The following RANBP2 variants were observed in gnomAD, a reference collection of about 807,000 sequenced individuals.
The protein encoded by RANBP2 is E3 SUMO-protein ligase RanBP2.
Under a neutral mutation model 303.6 loss-of-function variants are expected in RANBP2, and 57 were observed. The ratio of observed to expected loss-of-function variants is 0.19; its 90% CI spans 0.15 to 0.23. The LOEUF (loss-of-function observed/expected upper bound fraction) is 0.23, where lower values mean the gene tolerates loss of function less well. Among genes scored for constraint, RANBP2 ranks in the 10% least tolerant of loss-of-function variants. RANBP2 has a pLI of 1.00. For missense variants in RANBP2, 3,138 were observed against 3,780.8 expected (o/e 0.83, Z 4.46); for synonymous variants, 1,167 against 1,301.5 (o/e 0.90, Z 2.23).
the RANBP2 span, among the ~76,000 whole-genome samples, chr2:109,066,233 T>G: frequency 6.6e-6 from 1 of 152,018 alleles, no homozygotes; most frequent in Non-Finnish European, 1.5e-5. Flanking sequence ...CTCAGCCTAC[T>G]GAGTAGCTAG....
chr2:108,773,613 T>C (rs1253800718), intron 23 of RANBP2, among the ~76,000 whole-genome samples: 1 of 151,764 alleles, frequency 6.6e-6, no homozygotes, highest in Non-Finnish European at 1.5e-5. Context: ...GATCTATAGA[T>C]TTAACACAAC....
the RANBP2 span, among the ~76,000 whole-genome samples, chr2:109,417,294 A>G: frequency 3.9e-5 from 6 of 151,982 alleles, no homozygotes; most frequent in African/African-American, 1.4e-4. Flanking sequence ...CTACACCTCC[A>G]TGGATGGTGA....
At chr2:109,306,689 A>G in the RANBP2 span, among the ~76,000 whole-genome samples, 7 of 152,352 alleles carry the variant, frequency 4.6e-5, no homozygotes, top group African/African-American at 1.7e-4. Flanking sequence ...CTAGCATGTT[A>G]CTGAAGACAA....
chr2:109,153,392 G>A, the RANBP2 span, among the ~76,000 whole-genome samples: 1 of 152,148 alleles, frequency 6.6e-6, no homozygotes, highest in Admixed American at 6.5e-5. Flanking sequence ...GTTTGGAAAG[G>A]CAATTACGCT....
At chr2:109,588,125 C>T in the RANBP2 span, among the ~76,000 whole-genome samples, 7,306 of 151,580 alleles carry the variant, frequency 0.048, 504 homozygotes, top group African/African-American at 0.16. Flanking sequence ...AAAAAGACAT[C>T]GTAGAATTCT....
At chr2:109,651,287 T>C in the RANBP2 span, among the ~76,000 whole-genome samples, 1 of 152,164 alleles carries the variant, frequency 6.6e-6, no homozygotes, top group Non-Finnish European at 1.5e-5. Context: ...TGGCATCCTG[T>C]AGGGCTTGGC....
At chr2:109,386,926 G>A in the RANBP2 span, among the ~76,000 whole-genome samples, 3 of 152,290 alleles carry the variant, frequency 2.0e-5, no homozygotes, top group Non-Finnish European at 2.9e-5. Context: ...CCCATAGGTC[G>A]ATGGAGACTC....
At chr2:109,529,752 C>G in the RANBP2 span, among the ~76,000 whole-genome samples, 3 of 152,156 alleles carry the variant, frequency 2.0e-5, no homozygotes, top group Non-Finnish European at 2.9e-5. Context: ...GGTCACCTCA[C>G]CTGTCACAAC....
the RANBP2 span, among the ~76,000 whole-genome samples, chr2:109,492,412 G>A: frequency 6.6e-6 from 1 of 152,138 alleles, no homozygotes; most frequent in African/African-American, 2.4e-5. Flanking sequence ...TAACCAGTGA[G>A]AACGGAAGTC....
chr2:108,761,409 T>G (rs190308378), intron 18 of RANBP2, among the ~76,000 whole-genome samples: 22 of 152,294 alleles, frequency 1.4e-4, no homozygotes, highest in African/African-American at 5.1e-4. Flanking sequence ...GTCTTTTGGT[T>G]GTTTTCTGGT....
chr2:109,118,009 G>A, the RANBP2 span, among the ~76,000 whole-genome samples: 8 of 152,216 alleles, frequency 5.3e-5, no homozygotes, highest in East Asian at 9.7e-4. Context: ...CCAGGGTTGC[G>A]CCACCCTGGT....
At chr2:109,024,761 G>A in the RANBP2 span, among the ~76,000 whole-genome samples, 37 of 152,230 alleles carry the variant, frequency 2.4e-4, no homozygotes, top group Admixed American at 1.5e-3. Flanking sequence ...AACCTTCACT[G>A]GAAGAGGGGA....
the RANBP2 span, among the ~76,000 whole-genome samples, chr2:109,158,493 C>G: frequency 6.6e-6 from 1 of 152,182 alleles, no homozygotes; most frequent in Admixed American, 6.5e-5. Context: ...CTTCATCCTT[C>G]ACACTGAAAG....
the RANBP2 span, among the ~76,000 whole-genome samples, chr2:109,542,774 A>G: frequency 2.4e-4 from 37 of 152,250 alleles, no homozygotes; most frequent in Non-Finnish European, 4.1e-4. Context: ...AAATGCAAAA[A>G]TAAAATTTAA....
the RANBP2 span, among the ~76,000 whole-genome samples, chr2:109,557,851 CTTTT>C: frequency 7.1e-6 from 1 of 140,796 alleles, no homozygotes. Flanking sequence ...TCATAATTTT[CTTTT>C]TTTTTTTTTT....
chr2:109,597,337 A>G, the RANBP2 span, among the ~76,000 whole-genome samples: 191 of 152,332 alleles, frequency 1.3e-3, 1 homozygote, highest in Admixed American at 3.5e-3. Flanking sequence ...TAGGGCTAAG[A>G]AACACTAAAT....
chr2:109,055,884 C>T, the RANBP2 span, among the ~76,000 whole-genome samples: 1 of 150,948 alleles, frequency 6.6e-6, no homozygotes, highest in African/African-American at 2.4e-5. Flanking sequence ...TTCAGCCTCC[C>T]GAGTAGCTGG....
chr2:108,959,944 C>T, the RANBP2 span, among the ~76,000 whole-genome samples: 1 of 152,238 alleles, frequency 6.6e-6, no homozygotes, highest in African/African-American at 2.4e-5. Context: ...CCATGTTACA[C>T]AGTGCTATAC....
intron 2 of RANBP2, among the ~76,000 whole-genome samples, chr2:108,729,469 A>G (rs1443029972): frequency 6.6e-6 from 1 of 152,244 alleles, no homozygotes; most frequent in Non-Finnish European, 1.5e-5. Context: ...CTTCTGTTGG[A>G]GTAAAAGAGG....
Sources: allele counts gnomAD v4.1 joint callset (sites outside exome capture counted in the v4.1 genomes callset), GRCh38; gene constraint gnomAD v4.1.1; transcripts MANE v1.5; gene names NCBI Gene and HGNC (gene_info 2026-07-23, HGNC 2026-07-21).